TP63: variants seen among roughly 807,000 people sequenced by gnomAD.
TP63 encodes tumor protein 63.
In TP63, 17 loss-of-function variants were observed where a neutral mutation model predicts 82.8. The ratio of observed to expected loss-of-function variants is 0.21; its 90% CI spans 0.14 to 0.31. The LOEUF is 0.31. Among genes scored for constraint, TP63 ranks in the 10% least tolerant of loss-of-function variants. The pLI, the probability that TP63 is intolerant of heterozygous loss-of-function variation, is 1.00. For synonymous variants in TP63, 330 were observed against 321.7 expected (o/e 1.03, Z -0.28); for missense variants, 648 against 895.3 (o/e 0.72, Z 3.52).
intron 3 of TP63, among the ~76,000 whole-genome samples, chr3:189,757,973 G>T (rs1021861868): frequency 5.9e-5 from 9 of 152,182 alleles, no homozygotes; most frequent in African/African-American, 2.2e-4. Flanking sequence ...AAATGGCAGA[G>T]TTTAACTAGT....
chr3:189,806,586 C>T (rs1231041447), intron 3 of TP63, among the ~76,000 whole-genome samples: 2 of 152,154 alleles, frequency 1.3e-5, no homozygotes, highest in African/African-American at 4.8e-5. Context: ...CCCTAGTTGT[C>T]TTACCTGCAG....
intron 1 of TP63, among the ~76,000 whole-genome samples, chr3:189,698,347 T>G (rs1717547787): frequency 6.6e-6 from 1 of 152,172 alleles, no homozygotes; most frequent in Non-Finnish European, 1.5e-5. Context: ...AAGTTTACAT[T>G]GAAATGTCAC....
chr3:189,765,433 C>CTTTTTTTTTTTTTTTT (rs576530590), intron 3 of TP63, among the ~76,000 whole-genome samples: 3,989 of 30,042 alleles, frequency 0.13, 1,861 homozygotes, highest in East Asian at 0.15. Context: ...CTGTCCTCTG[C>CTTTTTTTTTTTTTTTT]TTTTTTTTTT....
At chr3:189,827,480 A>G (rs1711593734) in intron 4 of TP63, among the ~76,000 whole-genome samples, 2 of 152,210 alleles carry the variant, frequency 1.3e-5, no homozygotes, top group African/African-American at 4.8e-5. Flanking sequence ...GGTAATACCT[A>G]TTACCTAAAC....
chr3:189,666,814 C>G (rs1714428095), intron 1 of TP63, among the ~76,000 whole-genome samples: 1 of 151,968 alleles, frequency 6.6e-6, no homozygotes, highest in African/African-American at 2.4e-5. Context: ...GAGTATAATA[C>G]TATCACTGGC....
intron 1 of TP63, among the ~76,000 whole-genome samples, chr3:189,689,104 C>CTTTTTTTTT (rs776704674): frequency 2.9e-5 from 2 of 68,322 alleles, no homozygotes; most frequent in African/African-American, 9.7e-5. Context: ...CTACCTTTTT[C>CTTTTTTTTT]TTTTTTTTTT....
intron 1 of TP63, among the ~76,000 whole-genome samples, chr3:189,715,091 C>T (rs1718863115): frequency 6.6e-6 from 1 of 152,124 alleles, no homozygotes; most frequent in Non-Finnish European, 1.5e-5. Context: ...TACCATCTGA[C>T]CCTTCACTTG....
intron 4 of TP63, chr3:189,844,324 A>T: frequency 2.5e-6 from 1 of 407,076 alleles, no homozygotes; most frequent in Non-Finnish European, 5.0e-6. Context: ...GGCACGCGCC[A>T]CCACGCCCAG....
rs528769976 is a variant in TP63, at chr3:189,869,733, T to G, written c.1212+327T>G. Among the ~76,000 whole-genome samples the G allele has an allele frequency of 9.9e-5, 15 of 150,854 alleles. No homozygotes were observed. The East Asian group carries it at 1.6e-3, about 16-fold the overall frequency. On this transcript the variant is annotated intron_variant, in intron 9 of 13. Coordinates refer to ENST00000264731, the MANE Select transcript of TP63 (RefSeq NM_003722.5). The stretch of plus-strand genomic sequence containing the variant: ...CTCTAGGGTGTTTTTTTTTTTTTTA[T>G]AAGGGCAAAATCCCATTTATGAAGG...
intron 1 of TP63, among the ~76,000 whole-genome samples, chr3:189,677,886 T>C (rs1049611736): frequency 6.6e-6 from 1 of 152,084 alleles, no homozygotes; most frequent in African/African-American, 2.4e-5. Context: ...TTTGGACATC[T>C]GTGTATCTTC....
the TP63 span, among the ~76,000 whole-genome samples, chr3:189,598,093 A>T: frequency 1.3e-5 from 2 of 152,226 alleles, no homozygotes; most frequent in Admixed American, 1.3e-4. Flanking sequence ...AAGCAAAATA[A>T]CAGACTAGTG....
chr3:189,638,189 C>T (rs1032971442), intron 1 of TP63, among the ~76,000 whole-genome samples: 1 of 152,112 alleles, frequency 6.6e-6, no homozygotes, highest in East Asian at 1.9e-4. Context: ...GGAAACTAAT[C>T]CACCAAGGTA....
intron 1 of TP63, among the ~76,000 whole-genome samples, chr3:189,640,921 CAT>C (rs1278629101): frequency 6.6e-6 from 1 of 152,100 alleles, no homozygotes; most frequent in Non-Finnish European, 1.5e-5. Context: ...GAAACAGAAA[CAT>C]ATCAAAAATA....
chr3:189,772,944 G>A (rs1441824527), intron 3 of TP63, among the ~76,000 whole-genome samples: 2 of 152,200 alleles, frequency 1.3e-5, no homozygotes, highest in African/African-American at 4.8e-5. Flanking sequence ...GAAGGCAGCT[G>A]TATACTTAAA....
chr3:189,717,714 G>T (rs1360666166), intron 1 of TP63, among the ~76,000 whole-genome samples: 4 of 152,272 alleles, frequency 2.6e-5, no homozygotes, highest in South Asian at 4.1e-4. Context: ...TGGGAATTAG[G>T]CTTGAGGATA....
At chr3:189,859,447 G>C (rs950028074) in intron 4 of TP63, among the ~76,000 whole-genome samples, 1 of 152,002 alleles carries the variant, frequency 6.6e-6, no homozygotes, top group Non-Finnish European at 1.5e-5. Flanking sequence ...AATGAAATAA[G>C]TACATGAAAA....
intron 1 of TP63, among the ~76,000 whole-genome samples, chr3:189,640,248 C>T (rs1455682852): frequency 1.3e-5 from 2 of 151,962 alleles, no homozygotes; most frequent in Non-Finnish European, 2.9e-5. Flanking sequence ...TCCTTTTAAC[C>T]CTTTTGTTAT....
the TP63 span, among the ~76,000 whole-genome samples, chr3:189,616,829 C>CAGAGAA: frequency 5.9e-5 from 9 of 152,174 alleles, no homozygotes; most frequent in African/African-American, 2.2e-4. Flanking sequence ...CTGTAGATGG[C>CAGAGAA]ATTGTCCTAC....
At chr3:189,602,718 T>A in the TP63 span, among the ~76,000 whole-genome samples, 161 of 152,302 alleles carry the variant, frequency 1.1e-3, 6 homozygotes, top group South Asian at 0.033. Flanking sequence ...TGACACTGAT[T>A]TCATACACTC....
Sources: gnomAD v4.1 joint callset for allele counts (sites outside exome capture counted in the v4.1 genomes callset) on GRCh38, gnomAD v4.1.1 for gene constraint, MANE v1.5 for transcripts, NCBI Gene and HGNC (gene_info 2026-07-23, HGNC 2026-07-21) for gene names.